The following POLR3B variants were observed in gnomAD, a reference collection of about 807,000 sequenced individuals.
POLR3B encodes the protein RNA polymerase III subunit B.
A neutral mutation model predicts 147.4 loss-of-function variants in POLR3B; 96 were observed. The observed-to-expected ratio is 0.65, with a 90% CI of 0.55 to 0.77. POLR3B has a LOEUF of 0.77. POLR3B is among the 30% of genes least tolerant of loss of function. POLR3B has a pLI of 0.00. For missense variants in POLR3B, 1,036 were observed against 1,413.5 expected, an observed-to-expected ratio of 0.73 and a Z score of 4.28; for synonymous variants, 461 against 485.9, an observed-to-expected ratio of 0.95 and a Z score of 0.67.
At chr12:106,414,065 A>G (rs1430269203) in intron 12 of POLR3B, among the ~76,000 whole-genome samples, 1 of 150,818 alleles carries the variant, frequency 6.6e-6, no homozygotes, top group Non-Finnish European at 1.5e-5. Context: ...TTTTAATTCC[A>G]TATTTGATAA....
chr12:106,400,346 G>A (rs2037044615), intron 10 of POLR3B, among the ~76,000 whole-genome samples: 1 of 152,154 alleles, frequency 6.6e-6, no homozygotes, highest in South Asian at 2.1e-4. Context: ...AGTCCTTAGT[G>A]ACCTAGAAAG....
intron 10 of POLR3B, among the ~76,000 whole-genome samples, chr12:106,398,401 TG>T (rs2037012311): frequency 1.3e-5 from 2 of 152,208 alleles, no homozygotes; most frequent in Non-Finnish European, 2.9e-5. Context: ...GCTCCACCTC[TG>T]GGGGCAGGGC....
Position 106,366,542 on chromosome 12 carries a change from A to G in POLR3B, c.132A>G (p.Ile44Met), listed in dbSNP as rs754400950. 3.7e-6 allele frequency: 6 copies of G among 1,609,912 alleles called. No homozygotes were observed. In the South Asian group the frequency reaches 6.6e-5, roughly 18 times the overall value. The change falls in exon 3 of 28, where the codon ATA (isoleucine) becomes ATG (methionine). Residue 44 changes from isoleucine (I) to methionine (M), a missense_variant. Transcript: ENST00000228347. ...TGAAAGGCCTTGTGAAACAGCATAT[A>G]GATTCATTTAACTATTTCATTAATG... is the stretch of plus-strand genomic sequence containing the variant. ...LKVKGLVKQH[I>M]DSFNYFINVE... is the part of the protein sequence containing the mutation.
At chr12:106,380,185 G>A in intron 9 of POLR3B, 46 bp downstream of exon 9, 2 of 1,077,966 alleles carry the variant, frequency 1.9e-6, no homozygotes, top group Non-Finnish European at 2.9e-6. Context: ...TTCTTTCTCT[G>A]GTTTATTTAC....
intron 7 of POLR3B, among the ~76,000 whole-genome samples, chr12:106,377,847 T>C (rs2036701628): frequency 6.6e-6 from 1 of 152,186 alleles, no homozygotes; most frequent in African/African-American, 2.4e-5. Context: ...GTAATCCCAG[T>C]GCACTGAGAG....
At chr12:106,390,406 G>A (rs2036898994) in intron 9 of POLR3B, among the ~76,000 whole-genome samples, 1 of 152,032 alleles carries the variant, frequency 6.6e-6, no homozygotes, top group Non-Finnish European at 1.5e-5. Context: ...AGACCAAAGA[G>A]AAAGTGTAGA....
intron 11 of POLR3B, among the ~76,000 whole-genome samples, chr12:106,407,904 A>G (rs2037171220): frequency 6.6e-6 from 1 of 152,198 alleles, no homozygotes; most frequent in Non-Finnish European, 1.5e-5. Flanking sequence ...TTGGTTATAC[A>G]TAATCCAGTG....
intron 23 of POLR3B, among the ~76,000 whole-genome samples, chr12:106,471,410 C>A (rs1187739939): frequency 6.6e-6 from 1 of 152,146 alleles, no homozygotes; most frequent in Non-Finnish European, 1.5e-5. Flanking sequence ...CCCCCAACCC[C>A]TTGCACTTCC....
intron 25 of POLR3B, among the ~76,000 whole-genome samples, chr12:106,499,037 C>G (rs1174858358): frequency 1.3e-5 from 2 of 152,100 alleles, no homozygotes; most frequent in Non-Finnish European, 2.9e-5. Context: ...TAAAAATTGC[C>G]TATTAAAACT....
chr12:106,374,891 A>G (rs2036657223), intron 6 of POLR3B, among the ~76,000 whole-genome samples: 1 of 152,056 alleles, frequency 6.6e-6, no homozygotes, highest in African/African-American at 2.4e-5. Context: ...TTATATCCAC[A>G]CACATTAGTT....
chr12:106,444,675 G>C (rs2037699097), intron 19 of POLR3B, 85 bp downstream of exon 19: 1 of 1,418,096 alleles, frequency 7.1e-7, no homozygotes, highest in Admixed American at 1.8e-5. Flanking sequence ...TGCTTCACCA[G>C]TATTATATGT....
chr12:106,411,667 G>A (rs1274772718), intron 12 of POLR3B, among the ~76,000 whole-genome samples: 1 of 152,164 alleles, frequency 6.6e-6, no homozygotes, highest in Admixed American at 6.5e-5. Context: ...AGTCTCAGTG[G>A]AAGGGAGAGA....
intron 27 of POLR3B, chr12:106,507,631 GTTTGTA>G: frequency 3.4e-6 from 1 of 290,938 alleles, no homozygotes; most frequent in South Asian, 3.0e-5. Context: ...AACTCACCAA[GTTTGTA>G]TTTGTACTGT....
intron 18 of POLR3B, among the ~76,000 whole-genome samples, chr12:106,440,590 C>T (rs866174880): frequency 6.6e-6 from 1 of 152,146 alleles, no homozygotes; most frequent in Non-Finnish European, 1.5e-5. Flanking sequence ...CTGCCTGGAG[C>T]ACTCTCTCAC....
At chr12:106,365,063 A>T (rs1272145082) in intron 2 of POLR3B, among the ~76,000 whole-genome samples, 1 of 152,118 alleles carries the variant, frequency 6.6e-6, no homozygotes, top group African/African-American at 2.4e-5. Flanking sequence ...TGAACCTGGG[A>T]GGCAGAGGTT....
chr12:106,371,082 T>C lies in POLR3B; in HGVS notation c.404+1399T>C, dbSNP rs199564564. On this transcript the variant is annotated intron_variant, in intron 6 of 27. Coordinates refer to ENST00000228347, the MANE Select transcript of POLR3B (RefSeq NM_018082.6). ...TGGAGGAAAACATAAATTCATAAGA[T>C]TGAGGGTTTAAATCCTGGTTTAAAG... Among the ~76,000 whole-genome samples, 3 of 152,084 alleles carry C rather than the reference T, an allele frequency of 2.0e-5. No homozygotes were observed. In the East Asian group the frequency reaches 5.8e-4, roughly 29 times the overall value.
At chr12:106,450,611 A>C (rs972868758) in intron 19 of POLR3B, among the ~76,000 whole-genome samples, 4 of 152,206 alleles carry the variant, frequency 2.6e-5, no homozygotes, top group Admixed American at 6.5e-5. Flanking sequence ...CAGCATTATT[A>C]GTTATCAGGT....
intron 1 of POLR3B, among the ~76,000 whole-genome samples, chr12:106,360,713 A>G (rs951523323): frequency 6.6e-6 from 1 of 152,180 alleles, no homozygotes; most frequent in Non-Finnish European, 1.5e-5. Context: ...TTTGGAGCCA[A>G]TTAATCAGTT....
chr12:106,477,222 C>T (rs1432296709), intron 23 of POLR3B, among the ~76,000 whole-genome samples: 1 of 109,452 alleles, frequency 9.1e-6, no homozygotes, highest in Non-Finnish European at 1.8e-5. Context: ...GCAGTCTGCC[C>T]ATTCTCAGAT....
Sources: allele counts gnomAD v4.1 joint callset (sites outside exome capture counted in the v4.1 genomes callset), GRCh38; gene constraint gnomAD v4.1.1; transcripts MANE v1.5; gene names NCBI Gene and HGNC (gene_info 2026-07-23, HGNC 2026-07-21).